EBF3: variants seen among roughly 807,000 people sequenced by gnomAD.
EBF3 encodes transcription factor COE3.
EBF3 carries 18 observed loss-of-function variants against 77.1 expected under a neutral mutation model. The ratio of observed to expected loss-of-function variants is 0.23; its 90% confidence interval spans 0.16 to 0.35. The LOEUF is 0.35. Ranked by LOEUF, EBF3 falls within the 10% of genes least tolerant of loss-of-function variation. EBF3 has a pLI of 1.00. For missense variants in EBF3, 558 were observed against 860.0 expected (o/e 0.65, Z 4.39); for synonymous variants, 350 against 343.5 (o/e 1.02, Z -0.21).
chr10:129,888,622 G>A (rs955659704), intron 6 of EBF3, among the ~76,000 whole-genome samples: 1 of 152,200 alleles, frequency 6.6e-6, no homozygotes, highest in Non-Finnish European at 1.5e-5. Context: ...TCCCGGCCGC[G>A]GTGGGAACCG....
At chr10:129,932,561 C>A (rs1857094491) in intron 6 of EBF3, among the ~76,000 whole-genome samples, 1 of 152,218 alleles carries the variant, frequency 6.6e-6, no homozygotes, top group Non-Finnish European at 1.5e-5. Flanking sequence ...AAGGGCAGGA[C>A]AGACAGTGAT....
At chr10:129,936,732 GGCTATGGGGGGACCCTCA>G (rs1564906446) in intron 6 of EBF3, among the ~76,000 whole-genome samples, 2 of 150,886 alleles carry the variant, frequency 1.3e-5, no homozygotes, top group Non-Finnish European at 3.0e-5. Context: ...GGACCCAGGG[GGCTATGGGGGGACCCTCA>G]GCTGTGTGGG....
intron 6 of EBF3, among the ~76,000 whole-genome samples, chr10:129,919,715 A>G (rs983524872): frequency 6.6e-6 from 1 of 152,204 alleles, no homozygotes; most frequent in African/African-American, 2.4e-5. Context: ...GGATTTAAAA[A>G]TAACACTGGA....
intron 6 of EBF3, among the ~76,000 whole-genome samples, chr10:129,920,376 T>G (rs541266015): frequency 6.6e-6 from 1 of 151,608 alleles, no homozygotes; most frequent in East Asian, 2.0e-4. Flanking sequence ...AGGGCGAATA[T>G]CTGCAGGAGG....
chr10:129,887,967 T>C (rs1394221068), intron 6 of EBF3, among the ~76,000 whole-genome samples: 1 of 152,198 alleles, frequency 6.6e-6, no homozygotes, highest in Non-Finnish European at 1.5e-5. Flanking sequence ...TAGAAACTCC[T>C]TGCTGATCCA....
In EBF3 at chr10:129,848,324, C is replaced by G; in HGVS notation, c.1128+68G>C. On this transcript the variant is annotated intron_variant, in intron 11 of 16. Transcript: ENST00000440978. This position sits in a 1 kb window ranked among gnomAD's most constrained non-coding sequence, Gnocchi z 4.4. Reference sequence around the variant, plus strand: ...TCCCCCCTTCCCAGAGCACCTGCTGCCCCCAAACCAGAACCAGCCCAGTGG... The same window carrying G: ...TCCCCCCTTCCCAGAGCACCTGCTGGCCCCAAACCAGAACCAGCCCAGTGG... The G allele has an allele frequency of 6.7e-7, 1 of 1,493,656 alleles. No homozygotes were observed. Among genetic ancestry groups the G allele is most frequent in the Non-Finnish European group, 9.3e-7 (1 of 1,070,800 alleles). The allele number at this position is 1,493,656 out of a possible 1,614,324, so 92.5% of individuals were successfully genotyped here.
rs1019091955 is a variant in EBF3, at chr10:129,837,980, A to T, written c.1873-20T>A. On this transcript the variant is annotated intron_variant, in intron 16 of 16. Coordinates refer to ENST00000440978, the MANE Select transcript of EBF3 (RefSeq NM_001375380.1). ...ACATAGCTGCAAGACAGAAGGACAG[A>T]GCAGTTACTGCAGGCTCCCCCACGC... 3.7e-6 allele frequency: 6 copies of T among 1,613,872 alleles called. No individual in the cohort carries two copies. The African/African-American group carries it at 8.0e-5, about 22-fold the overall frequency.
In EBF3 at chr10:129,890,511, G is replaced by A. The variant is rs1481707834; in HGVS notation, c.555-12662C>T. Among the ~76,000 whole-genome samples the A allele has an allele frequency of 4.6e-5, 7 of 152,354 alleles. No homozygotes were observed. The East Asian group carries it at 5.8e-4, about 13-fold the overall frequency. On this transcript the variant is annotated intron_variant, in intron 6 of 16. Transcript: ENST00000440978. ...CCTCCGCCAGCCTAATACTGGGCACGGCTTTAAGGCACCGTCAACCAATTA... is the reference window on the plus strand; with the variant it reads ...CCTCCGCCAGCCTAATACTGGGCACAGCTTTAAGGCACCGTCAACCAATTA...
intron 6 of EBF3, among the ~76,000 whole-genome samples, chr10:129,895,147 G>A (rs7100586): frequency 0.87 from 132,721 of 152,278 alleles, 58,171 homozygotes; most frequent in African/African-American, 0.97. Flanking sequence ...GATTCCATTC[G>A]TCCATCGACT....
intron 9 of EBF3, 146 bp from the exon 10 acceptor site, chr10:129,867,413 G>A (rs1852101145): frequency 7.7e-7 from 1 of 1,306,672 alleles, no homozygotes; most frequent in Non-Finnish European, 1.0e-6. Flanking sequence ...AGAGTCCCGG[G>A]ACCTACAGTG....
chr10:129,867,866 C>G lies in EBF3; in HGVS notation c.828G>C (p.Thr276=). 6.2e-7 allele frequency: 1 copy of G among 1,614,250 alleles called. No individual in the cohort carries two copies. Among genetic ancestry groups the G allele is most frequent in the Non-Finnish European group, 8.5e-7 (1 of 1,180,048 alleles). Residue 276 remains threonine, a synonymous_variant, in exon 9 of 17, where the codon ACG becomes ACC. Coordinates refer to ENST00000440978, the MANE Select transcript of EBF3 (RefSeq NM_001375380.1). ...KAISPSEGWT[T]GGATVIIIGD... ...CAATTATGATGACGGTGGCACCCCC[C>G]GTGGTCCAGCCTTCACTGGGACTGA...
intron 6 of EBF3, among the ~76,000 whole-genome samples, chr10:129,921,793 T>G (rs1251235371): frequency 6.6e-6 from 1 of 152,160 alleles, no homozygotes; most frequent in African/African-American, 2.4e-5. Context: ...CATCTGGGGA[T>G]ATGGGCATCA....
At chr10:129,911,217 A>G (rs995482294) in intron 6 of EBF3, among the ~76,000 whole-genome samples, 1 of 152,196 alleles carries the variant, frequency 6.6e-6, no homozygotes, top group African/African-American at 2.4e-5. Flanking sequence ...CCAGACCAGG[A>G]GCCATGGTCC....
chr10:129,853,348 C>T (rs527388616), intron 10 of EBF3, among the ~76,000 whole-genome samples: 2 of 152,350 alleles, frequency 1.3e-5, no homozygotes, highest in Admixed American at 1.3e-4. Flanking sequence ...ACAATAAAAA[C>T]AGGAAGACAT....
chr10:129,910,100 C>G (rs895045821), intron 6 of EBF3, among the ~76,000 whole-genome samples: 1 of 152,176 alleles, frequency 6.6e-6, no homozygotes, highest in African/African-American at 2.4e-5. Context: ...GCCGCGCTAA[C>G]GAGCCCGCCC....
In EBF3 at chr10:129,879,784, G is replaced by A. The variant is rs747404103; in HGVS notation, c.555-1935C>T. ...AGCGAGGTAAATGAGGCGCACCTGC[G>A]GCCACACTGCATTTGAACTGCATCA... On this transcript the variant is annotated intron_variant, in intron 6 of 16. Transcript: ENST00000440978. The surrounding 1 kb of genome is among the most constrained non-coding windows in gnomAD (Gnocchi z 4.7). 6.6e-5 allele frequency among the ~76,000 whole-genome samples: 10 copies of A among 152,142 alleles called. No homozygotes were observed. The highest frequency in any genetic ancestry group is 7.3e-5 in the Non-Finnish European group (5 of 68,030).
intron 6 of EBF3, among the ~76,000 whole-genome samples, chr10:129,880,891 G>A (rs1470058168): frequency 3.3e-5 from 5 of 152,236 alleles, no homozygotes; most frequent in African/African-American, 1.2e-4. Context: ...CTGATATTGT[G>A]CAGAGTTACA....
rs537235329 is a variant in EBF3, at chr10:129,837,188, C to G, written c.*755G>C. On this transcript the variant is annotated 3_prime_UTR_variant, in exon 17 of 17. Coordinates refer to ENST00000440978, the MANE Select transcript of EBF3 (RefSeq NM_001375380.1). ...AGTTGAAAAAATGTTGCAGATCACA[C>G]TTGCTTAACAGGAAGCTCTAGCAGT... The G allele has an allele frequency of 1.3e-5, 2 of 152,788 alleles. No homozygotes were observed. The highest frequency in any genetic ancestry group is 3.9e-4 in the East Asian group (2 of 5,192). The allele number at this position is 152,788 out of a possible 1,614,324, so 9.5% of individuals were successfully genotyped here.
chr10:129,925,363 C>T (rs1014671503), intron 6 of EBF3, among the ~76,000 whole-genome samples: 2 of 151,778 alleles, frequency 1.3e-5, no homozygotes, highest in African/African-American at 2.4e-5. Context: ...GGACAATGTG[C>T]GGTACACAGA....
Sources: gnomAD v4.1 joint callset for allele counts (sites outside exome capture counted in the v4.1 genomes callset) on GRCh38, gnomAD v4.1.1 for gene constraint, Gnocchi (gnomAD v3.1) non-coding constraint, MANE v1.5 for transcripts, NCBI Gene and HGNC (gene_info 2026-07-23, HGNC 2026-07-21) for gene names.